The following AP3B2 variants were observed in gnomAD, a reference collection of about 807,000 sequenced individuals.
AP3B2 encodes AP-3 complex subunit beta-2.
A neutral mutation model predicts 126.9 loss-of-function variants in AP3B2; 50 were observed. That is an observed-to-expected ratio of 0.39 (90% confidence interval 0.31 to 0.50). The LOEUF (loss-of-function observed/expected upper bound fraction) is 0.50. AP3B2 is among the 20% of genes least tolerant of loss of function. The pLI, the probability that AP3B2 is intolerant of heterozygous loss-of-function variation, is 0.79. For synonymous variants in AP3B2, 541 were observed against 565.0 expected (o/e 0.96, Z 0.60); for missense variants, 1,177 against 1,426.4 (o/e 0.83, Z 2.82).
chr15:82,691,436 G>A (rs975136939), intron 1 of AP3B2, among the ~76,000 whole-genome samples: 2 of 152,060 alleles, frequency 1.3e-5, no homozygotes, highest in Non-Finnish European at 2.9e-5. Flanking sequence ...AGTAACTGTT[G>A]ATCTCCATAG....
chr15:82,669,733 C>T (rs1174760522), intron 14 of AP3B2, among the ~76,000 whole-genome samples: 1 of 146,770 alleles, frequency 6.8e-6, no homozygotes, highest in African/African-American at 2.5e-5. Context: ...CACAGTGGCT[C>T]ACACCTGTAA....
At position 82,678,115 on chromosome 15, in the gene AP3B2, C is replaced by T. The variant is rs1341504304; in HGVS notation, c.1235G>A (p.Arg412Gln). 9 of 1,613,810 alleles carry T rather than the reference C, an allele frequency of 5.6e-6. No individual in the cohort carries two copies. Among genetic ancestry groups the T allele is most frequent in the South Asian group, 1.1e-5 (1 of 91,008 alleles). Reference protein sequence around the residue: ...ANETNIPTVLREFQTYIRSMD... With the variant: ...ANETNIPTVLQEFQTYIRSMD... ...GGAGCTGGCCTGTACCTGGAATTCC[C>T]GTAGGACAGTAGGAATGTTGGTCTC... The change falls in exon 11 of 27, where the codon CGG becomes CAG. Residue 412 changes from arginine (R) to glutamine (Q), a missense_variant. Arg to Gln is a conservative substitution (Grantham distance 43, BLOSUM62 1). Coordinates refer to ENST00000535359, the MANE Select transcript of AP3B2 (RefSeq NM_001278512.2).
At chr15:82,700,505 T>C (rs762229160) in intron 1 of AP3B2, among the ~76,000 whole-genome samples, 16 of 149,880 alleles carry the variant, frequency 1.1e-4, no homozygotes, top group Non-Finnish European at 1.9e-4. Flanking sequence ...TTCAAGCAAT[T>C]CTCCTGCCTC....
chr15:82,683,056 T>G (rs955111751), intron 4 of AP3B2, among the ~76,000 whole-genome samples: 7 of 80,324 alleles, frequency 8.7e-5, no homozygotes, highest in East Asian at 3.4e-4. Flanking sequence ...AGTTTTTTTT[T>G]TTTTTTTTTT....
intron 1 of AP3B2, among the ~76,000 whole-genome samples, chr15:82,701,418 A>AC (rs200355346): frequency 6.7e-4 from 101 of 151,606 alleles, no homozygotes; most frequent in Middle Eastern, 3.4e-3. Flanking sequence ...TTAAGAAACA[A>AC]AAAAAAAAAC....
rs1266470606 is a variant in AP3B2, at chr15:82,709,733, G to A, written c.-27C>T. On this transcript the variant is annotated 5_prime_UTR_variant, in exon 1 of 27. Transcript: ENST00000535359. The stretch of plus-strand genomic sequence containing the variant: ...GGGCGGCCAGGGAGACTTCGCCGAG[G>A]AGGAGGTTGCGGGGCCGGAGGCCGG... The A allele has an allele frequency of 4.1e-6, 6 of 1,451,128 alleles. No homozygotes were observed. The highest frequency in any genetic ancestry group is 5.5e-6 in the Non-Finnish European group (6 of 1,098,126). 89.9% of individuals were successfully genotyped at this position (1,451,128 alleles called of 1,614,324 possible).
intron 4 of AP3B2, among the ~76,000 whole-genome samples, chr15:82,682,718 C>T (rs2048361433): frequency 6.7e-6 from 1 of 148,308 alleles, no homozygotes; most frequent in Admixed American, 6.7e-5. Context: ...GAGATCCTAT[C>T]TCCAAAAAAA....
intron 1 of AP3B2, among the ~76,000 whole-genome samples, chr15:82,695,138 C>G (rs1173997600): frequency 6.7e-6 from 1 of 148,846 alleles, no homozygotes; most frequent in Non-Finnish European, 1.5e-5. Context: ...GCTCTGTCGC[C>G]CAGGCTGGAG....
chr15:82,680,445 G>C lies in AP3B2; in HGVS notation c.1055+27C>G, dbSNP rs1282827175. 2.7e-6 allele frequency: 4 copies of C among 1,454,882 alleles called. No homozygotes were observed. Among genetic ancestry groups the C allele is most frequent in the South Asian group, 2.8e-5 (2 of 71,980 alleles). The allele number at this position is 1,454,882 out of a possible 1,614,324, so 90.1% of individuals were successfully genotyped here. On this transcript the variant is annotated intron_variant, in intron 8 of 26. Coordinates refer to ENST00000535359, the MANE Select transcript of AP3B2 (RefSeq NM_001278512.2). This position sits in a 1 kb window ranked among gnomAD's most constrained non-coding sequence, Gnocchi z 6.1. Reference sequence around the variant, plus strand: ...GTGGGGCGGGGCAGGAGGCGAGGGAGGGGGCGGGGCTGGGGGCGGAGCGCA... The same window carrying C: ...GTGGGGCGGGGCAGGAGGCGAGGGACGGGGCGGGGCTGGGGGCGGAGCGCA...
intron 22 of AP3B2, 64 bp from the exon 23 acceptor site, chr15:82,662,986 T>C (rs938940681): frequency 2.8e-5 from 44 of 1,552,038 alleles, no homozygotes; most frequent in Non-Finnish European, 3.7e-5. Flanking sequence ...CCCAGCATTG[T>C]CCCCTAGGGC....
At chr15:82,669,767 C>T (rs144053185) in intron 14 of AP3B2, among the ~76,000 whole-genome samples, 2,040 of 151,252 alleles carry the variant, frequency 0.013, 45 homozygotes, top group African/African-American at 0.048. Flanking sequence ...TTTGGGAGGC[C>T]GAGGCAGGCA....
Position 82,676,479 on chromosome 15 carries a change from G to A in AP3B2, c.1647C>T (p.Tyr549=). The A allele has an allele frequency of 1.9e-6, 3 of 1,613,986 alleles. No homozygotes were observed. Among genetic ancestry groups the A allele is most frequent in the Non-Finnish European group, 2.5e-6 (3 of 1,179,880 alleles). The change falls in exon 14 of 27, where the codon TAC becomes TAT. Residue 549 remains tyrosine (Y), a synonymous_variant. Transcript: ENST00000535359. The stretch of plus-strand genomic sequence containing the variant: ...TCTTTACCTGTTTAGAGTTGGTCAG[G>A]TAGAGCTTGGCTGCCAGGTTGATGA... ...LQVINLAAKL[Y]LTNSKQTKLL...
chr15:82,706,310 CTA>C (rs1020427411), intron 1 of AP3B2, among the ~76,000 whole-genome samples: 51 of 152,308 alleles, frequency 3.3e-4, no homozygotes, highest in African/African-American at 1.2e-3. Context: ...TGCAAAAGGA[CTA>C]TGTGTCAATA....
At position 82,680,094 on chromosome 15, in the gene AP3B2, C is replaced by T. The variant is rs1412319439; in HGVS notation, c.1110+81G>A. Reference sequence around the variant, plus strand: ...CCTCCATCTTCCCTTTCCCCGGCCCCGGTCCCAGCCCCGACAACGCCTCCA... The same window carrying T: ...CCTCCATCTTCCCTTTCCCCGGCCCTGGTCCCAGCCCCGACAACGCCTCCA... On this transcript the variant is annotated intron_variant, in intron 9 of 26. Coordinates refer to ENST00000535359, the MANE Select transcript of AP3B2 (RefSeq NM_001278512.2). This position sits in a 1 kb window ranked among gnomAD's most constrained non-coding sequence, Gnocchi z 6.1. 6 of 1,571,810 alleles carry T rather than the reference C, an allele frequency of 3.8e-6. No homozygotes were observed. The African/African-American group carries it at 4.0e-5, about 11-fold the overall frequency.
At position 82,681,577 on chromosome 15, in the gene AP3B2, G is replaced by T; in HGVS notation, c.364C>A (p.Pro122Thr). ...ISTFQRGLKD[P>T]NQLIRASALR... The stretch of plus-strand genomic sequence containing the variant: ...GCACTGGCACGAATCAGCTGGTTGG[G>T]ATCCTAAAGGCAGAGGTGGAGGCAG... Residue 122 changes from proline to threonine, a missense_variant, in exon 5 of 27, where the codon CCC (proline) becomes ACC (threonine). Around this residue, in one of 5 missense-constraint regions of AP3B2, gnomAD observed 130 missense variants for 262.0 expected, o/e 0.50. Coordinates refer to ENST00000535359, the MANE Select transcript of AP3B2 (RefSeq NM_001278512.2). This position sits in a 1 kb window ranked among gnomAD's most constrained non-coding sequence, Gnocchi z 4.0. 2 of 1,612,944 alleles carry T rather than the reference G, an allele frequency of 1.2e-6. No homozygotes were observed.
intron 1 of AP3B2, chr15:82,691,904 A>T (rs1264092399): frequency 7.9e-7 from 1 of 1,271,086 alleles, no homozygotes; most frequent in Non-Finnish European, 1.1e-6. Context: ...CAATTTATGC[A>T]GGGCATATTC....
intron 1 of AP3B2, among the ~76,000 whole-genome samples, chr15:82,691,280 T>C (rs1372649211): frequency 6.6e-6 from 1 of 152,248 alleles, no homozygotes; most frequent in Non-Finnish European, 1.5e-5. Flanking sequence ...TGTTGTTTCC[T>C]GACTTTTAAT....
chr15:82,691,820 T>C, intron 1 of AP3B2: 4 of 1,403,728 alleles, frequency 2.8e-6, no homozygotes, highest in Non-Finnish European at 4.0e-6. Context: ...TGAGTAGCCA[T>C]AGCTGGTGCT....
At chr15:82,689,673 A>G in intron 1 of AP3B2, 1 of 578,428 alleles carries the variant, frequency 1.7e-6, no homozygotes, top group South Asian at 2.0e-5. Flanking sequence ...TAAAAAGGAT[A>G]TATTTAAGTC....
Sources: allele counts gnomAD v4.1 joint callset (sites outside exome capture counted in the v4.1 genomes callset), GRCh38; gene constraint gnomAD v4.1.1; regional missense constraint gnomAD v4.1.1; non-coding constraint Gnocchi (gnomAD v3.1); transcripts MANE v1.5; gene names NCBI Gene and HGNC (gene_info 2026-07-23, HGNC 2026-07-21).